PCDH15: variants seen among roughly 807,000 people sequenced by gnomAD.
The protein encoded by PCDH15 is protocadherin related 15, also known as protocadherin-15.
A neutral mutation model predicts 178.5 loss-of-function variants in PCDH15; 129 were observed. That is an observed-to-expected ratio of 0.72 (90% confidence interval 0.63 to 0.84). PCDH15 has a LOEUF of 0.84. PCDH15 is among the 40% of genes least tolerant of loss of function. The pLI, the probability that PCDH15 is intolerant of heterozygous loss-of-function variation, is 0.00. For synonymous variants in PCDH15, 800 were observed against 732.0 expected, an observed-to-expected ratio of 1.09 and a Z score of -1.50; for missense variants, 2,230 against 2,099.9, an observed-to-expected ratio of 1.06 and a Z score of -1.21.
intron 2 of PCDH15, among the ~76,000 whole-genome samples, chr10:54,579,844 A>G (rs931839845): frequency 6.6e-6 from 1 of 152,098 alleles, no homozygotes; most frequent in Non-Finnish European, 1.5e-5. Context: ...AAACCACACA[A>G]TGACATGCAA....
intron 35 of PCDH15, among the ~76,000 whole-genome samples, chr10:53,813,825 G>C (rs915806589): frequency 6.6e-6 from 1 of 152,104 alleles, no homozygotes; most frequent in Non-Finnish European, 1.5e-5. Context: ...ACTGACTAAA[G>C]AATATGTTAC....
At chr10:54,592,432 C>G (rs915909220) in intron 2 of PCDH15, among the ~76,000 whole-genome samples, 1 of 151,768 alleles carries the variant, frequency 6.6e-6, no homozygotes, top group African/African-American at 2.4e-5. Flanking sequence ...AGGTGTGCAA[C>G]TTGATTTTTG....
At chr10:54,609,720 G>A (rs192579615) in intron 2 of PCDH15, among the ~76,000 whole-genome samples, 1 of 152,052 alleles carries the variant, frequency 6.6e-6, no homozygotes, top group Non-Finnish European at 1.5e-5. Flanking sequence ...ATGTACTGGT[G>A]TAAAGCAATG....
chr10:54,174,421 G>A (rs552633552), intron 13 of PCDH15, among the ~76,000 whole-genome samples: 41 of 152,088 alleles, frequency 2.7e-4, no homozygotes, highest in African/African-American at 9.9e-4. Flanking sequence ...TGTAGTCCCA[G>A]CTACTCAGGA....
Position 54,236,867 on chromosome 10 carries a change from T to C in PCDH15, c.941A>G (p.Gln314Arg). 6.2e-7 allele frequency: 1 copy of C among 1,613,736 alleles called. No individual in the cohort carries two copies. Residue 314 changes from glutamine to arginine, a missense_variant, in exon 9 of 38, where the codon CAA (glutamine) becomes CGA (arginine). Coordinates refer to ENST00000644397, the MANE Select transcript of PCDH15 (RefSeq NM_001384140.1). ...IQAIDQDRNI[Q>R]PPSDRPGILY... ...GATTCCTGGCCTATCTGATGGCGGT[T>C]GAATATTCCGGTCCTGATCAATGGC...
chr10:55,119,397 G>A (rs1043487036), intron 2 of PCDH15, among the ~76,000 whole-genome samples: 2 of 151,876 alleles, frequency 1.3e-5, no homozygotes, highest in African/African-American at 2.4e-5. Context: ...ACACAGAAAG[G>A]CCTAATTCTG....
intron 2 of PCDH15, among the ~76,000 whole-genome samples, chr10:54,563,484 A>G (rs1451072296): frequency 6.6e-6 from 1 of 152,198 alleles, no homozygotes; most frequent in Non-Finnish European, 1.5e-5. Context: ...TCAGCCAAAA[A>G]TACATAGACC....
At chr10:54,974,161 C>T (rs1296331552) in intron 2 of PCDH15, among the ~76,000 whole-genome samples, 2 of 151,560 alleles carry the variant, frequency 1.3e-5, no homozygotes, top group East Asian at 1.9e-4. Context: ...GAGACTAAAG[C>T]AAATGTCTTT....
chr10:55,098,553 A>G (rs969053392), intron 2 of PCDH15, among the ~76,000 whole-genome samples: 2 of 152,100 alleles, frequency 1.3e-5, no homozygotes, highest in Non-Finnish European at 2.9e-5. Context: ...AGACATGTTC[A>G]AAATGGTGGC....
chr10:55,263,803 C>T (rs999152864), intron 1 of PCDH15, among the ~76,000 whole-genome samples: 1 of 152,074 alleles, frequency 6.6e-6, no homozygotes, highest in Non-Finnish European at 1.5e-5. Context: ...GGTGCGATCT[C>T]GGCTCACTGC....
chr10:54,700,496 C>CA (rs1277336493), intron 1 of PCDH15, among the ~76,000 whole-genome samples: 1 of 151,958 alleles, frequency 6.6e-6, no homozygotes, highest in Admixed American at 6.6e-5. Flanking sequence ...AACTGAAAGA[C>CA]AAAATAGCCA....
chr10:55,030,516 T>C (rs1183763780), intron 2 of PCDH15, among the ~76,000 whole-genome samples: 1 of 152,102 alleles, frequency 6.6e-6, no homozygotes, highest in East Asian at 1.9e-4. Context: ...GACGCTGAGC[T>C]CAGAAAAGAA....
At chr10:55,586,198 A>G (rs958515376) in intron 2 of PCDH15, among the ~76,000 whole-genome samples, 1 of 152,182 alleles carries the variant, frequency 6.6e-6, no homozygotes, top group Non-Finnish European at 1.5e-5. Context: ...ATGCCAAAGT[A>G]TCTCACTCAA....
At chr10:54,188,029 G>C (rs2048631293) in intron 11 of PCDH15, among the ~76,000 whole-genome samples, 1 of 151,664 alleles carries the variant, frequency 6.6e-6, no homozygotes, top group African/African-American at 2.4e-5. Flanking sequence ...AATGTTAATA[G>C]ATACATATCA....
chr10:55,608,412 A>T (rs1194311724), intron 2 of PCDH15, among the ~76,000 whole-genome samples: 1 of 151,612 alleles, frequency 6.6e-6, no homozygotes, highest in Non-Finnish European at 1.5e-5. Flanking sequence ...AAAGAGTCTC[A>T]TCTCCTTTAA....
chr10:54,855,189 G>C lies in PCDH15; in HGVS notation c.-29+42261C>G, dbSNP rs150086950. On this transcript the variant is annotated intron_variant, in intron 3 of 5. Transcript: ENST00000458638. ...TAGCAGGCATTTTCAAGCTTGCAAG[G>C]GCAGGGGAGGCCTTCCCAGGCCTCT... 2.3e-3 allele frequency among the ~76,000 whole-genome samples: 353 copies of C among 152,328 alleles called. 2 individuals carry two copies. The highest frequency in any genetic ancestry group is 8.3e-3 in the African/African-American group (346 of 41,582).
chr10:53,830,088 A>T (rs1346739459), intron 30 of PCDH15, among the ~76,000 whole-genome samples: 1 of 152,038 alleles, frequency 6.6e-6, no homozygotes, highest in African/African-American at 2.4e-5. Flanking sequence ...CGGATCACGA[A>T]GTTAGGAGTT....
At chr10:54,183,879 C>T (rs2048240947) in intron 12 of PCDH15, among the ~76,000 whole-genome samples, 1 of 152,116 alleles carries the variant, frequency 6.6e-6, no homozygotes. Flanking sequence ...GGGCCAATAA[C>T]ATTGCTGACT....
At chr10:53,808,408 T>A (rs969753319) in intron 37 of PCDH15, 15 of 1,115,862 alleles carry the variant, frequency 1.3e-5, no homozygotes, top group Non-Finnish European at 1.5e-5. Flanking sequence ...CCACATTGCA[T>A]TAACAAAAAT....
Sources: gnomAD v4.1 joint callset for allele counts (sites outside exome capture counted in the v4.1 genomes callset) on GRCh38, gnomAD v4.1.1 for gene constraint, MANE v1.5 for transcripts, NCBI Gene and HGNC (gene_info 2026-07-23, HGNC 2026-07-21) for gene names.